The following PLD5 variants were observed in gnomAD, a reference collection of about 807,000 sequenced individuals.
The protein encoded by PLD5 is inactive phospholipase D5.
PLD5 carries 36 observed loss-of-function variants against 61.1 expected under a neutral mutation model. The observed-to-expected ratio is 0.59, with a 90% CI of 0.45 to 0.78. The LOEUF (loss-of-function observed/expected upper bound fraction) is 0.78, where lower values mean the gene tolerates loss of function less well. PLD5 is among the 30% of genes least tolerant of loss of function. The pLI, the probability that PLD5 is intolerant of heterozygous loss-of-function variation, is 0.00. For synonymous variants in PLD5, 243 were observed against 242.8 expected (o/e 1.00, Z -0.01); for missense variants, 515 against 644.4 (o/e 0.80, Z 2.17).
At chr1:242,317,400 A>G (rs1003579111) in intron 2 of PLD5, among the ~76,000 whole-genome samples, 7 of 152,218 alleles carry the variant, frequency 4.6e-5, no homozygotes, top group African/African-American at 1.7e-4. Context: ...ATAATTTTAA[A>G]TTATCTAACA....
intron 8 of PLD5, among the ~76,000 whole-genome samples, chr1:242,102,646 C>A (rs550451769): frequency 1.3e-5 from 2 of 152,242 alleles, no homozygotes; most frequent in South Asian, 4.2e-4. Context: ...AGGCCATGTG[C>A]TTTGTCAGTG....
At position 242,083,195 on chromosome 1, in the gene PLD5, C is replaced by T. The variant is rs964348960; in HGVS notation, c.*6659G>A. 5 of 152,314 alleles carry T rather than the reference C, an allele frequency of 3.3e-5. No individual in the cohort carries two copies. The highest frequency in any genetic ancestry group is 2.1e-4 in the South Asian group (1 of 4,830). 9.4% of individuals were successfully genotyped at this position (152,314 alleles called of 1,614,324 possible). ...GTTCTCAGAGTCACCATTACGGTGA[C>T]TGTGTCTATTCTGGCTGTGCTTCCT... On this transcript the variant is annotated 3_prime_UTR_variant, in exon 10 of 10. Coordinates refer to ENST00000536534, the MANE Select transcript of PLD5 (RefSeq NM_001372062.1).
At chr1:242,486,298 A>T (rs1432696519) in intron 1 of PLD5, among the ~76,000 whole-genome samples, 1 of 152,204 alleles carries the variant, frequency 6.6e-6, no homozygotes, top group East Asian at 1.9e-4. Flanking sequence ...ATGGGAGAAA[A>T]TGTTTGCAAT....
intron 1 of PLD5, among the ~76,000 whole-genome samples, chr1:242,385,423 C>CA (rs1419258036): frequency 1.3e-5 from 2 of 152,134 alleles, no homozygotes; most frequent in Non-Finnish European, 2.9e-5. Context: ...ATGCTAAACT[C>CA]ACAGCTATGG....
chr1:242,384,172 C>T (rs1224078925), intron 1 of PLD5, among the ~76,000 whole-genome samples: 1 of 152,202 alleles, frequency 6.6e-6, no homozygotes, highest in Non-Finnish European at 1.5e-5. Context: ...CCAACCAGTT[C>T]CAATGACTGA....
rs1288478227 is a variant in PLD5, at chr1:242,142,145, C to G, written c.736-17480G>C. 2.0e-5 allele frequency among the ~76,000 whole-genome samples: 3 copies of G among 152,208 alleles called. No individual in the cohort carries two copies. In the East Asian group the frequency reaches 5.8e-4, roughly 29 times the overall value. ...AACAGCAGAAAGGTTTTGGCCTCCT[C>G]TTCATGAAGACTTCATCTCCTCAGA... On this transcript the variant is annotated intron_variant, in intron 5 of 9. Coordinates refer to ENST00000536534, the MANE Select transcript of PLD5 (RefSeq NM_001372062.1).
intron 4 of PLD5, among the ~76,000 whole-genome samples, chr1:242,222,228 C>A (rs1343414523): frequency 6.6e-6 from 1 of 152,168 alleles, no homozygotes; most frequent in African/African-American, 2.4e-5. Flanking sequence ...TCTGTAAAAT[C>A]CCCATTTTCA....
intron 6 of PLD5, among the ~76,000 whole-genome samples, chr1:242,123,780 G>A (rs1662568935): frequency 6.6e-6 from 1 of 152,232 alleles, no homozygotes; most frequent in African/African-American, 2.4e-5. Flanking sequence ...TAGGACTGTA[G>A]GCCCAGATAT....
intron 1 of PLD5, among the ~76,000 whole-genome samples, chr1:242,461,413 G>T (rs982302955): frequency 6.6e-6 from 1 of 152,094 alleles, no homozygotes; most frequent in Non-Finnish European, 1.5e-5. Context: ...TAAGTCACAG[G>T]TCATATGTTC....
At chr1:242,265,531 A>G in intron 3 of PLD5, 83 bp from the exon 4 acceptor site, 1 of 1,159,420 alleles carries the variant, frequency 8.6e-7, no homozygotes, top group Non-Finnish European at 1.2e-6. Flanking sequence ...ACTCATTAAA[A>G]TTAATCTATT....
At chr1:242,456,444 A>T (rs1666946906) in intron 1 of PLD5, among the ~76,000 whole-genome samples, 1 of 152,224 alleles carries the variant, frequency 6.6e-6, no homozygotes, top group African/African-American at 2.4e-5. Flanking sequence ...ATCATTGCAG[A>T]ACTTTCTACT....
At chr1:242,428,436 C>T (rs919375221) in intron 1 of PLD5, among the ~76,000 whole-genome samples, 6 of 152,118 alleles carry the variant, frequency 3.9e-5, no homozygotes, top group African/African-American at 1.4e-4. Context: ...ACAGAGTTAC[C>T]AGTGAACAGT....
At chr1:242,475,399 G>A (rs971060761) in intron 1 of PLD5, among the ~76,000 whole-genome samples, 1 of 140,892 alleles carries the variant, frequency 7.1e-6, no homozygotes, top group Admixed American at 7.1e-5. Flanking sequence ...CTCCAGCCTG[G>A]GCGACAGAGC....
At chr1:242,519,254 C>T (rs776330456) in intron 1 of PLD5, among the ~76,000 whole-genome samples, 15 of 152,148 alleles carry the variant, frequency 9.9e-5, no homozygotes, top group African/African-American at 2.2e-4. Flanking sequence ...GAGCCTAGAC[C>T]GCTGTGACCA....
chr1:242,239,962 G>A (rs923241844), intron 4 of PLD5, among the ~76,000 whole-genome samples: 2 of 152,182 alleles, frequency 1.3e-5, no homozygotes, highest in African/African-American at 4.8e-5. Flanking sequence ...AGCTTCTCCT[G>A]GTGTTTTGTT....
Position 242,265,387 on chromosome 1 carries a change from A to G in PLD5, c.557T>C (p.Val186Ala), listed in dbSNP as rs775543164. The G allele has an allele frequency of 1.9e-6, 3 of 1,612,882 alleles. No homozygotes were observed. The highest frequency in any genetic ancestry group is 2.5e-6 in the Non-Finnish European group (3 of 1,179,574). Residue 186 changes from valine (V) to alanine (A), a missense_variant, in exon 4 of 10, where the codon GTG (valine) becomes GCG (alanine). By Grantham distance (64) the Val-to-Ala change is moderately conservative. Transcript: ENST00000536534. ...CTTTGAATCAGCTGTTACATCACTC[A>G]CTAGCTTGATTTCAATATTTTGCGA... ...LTSQNIEIKL[V>A]SDVTADSKVL...
chr1:242,467,980 A>G (rs1473303925), intron 1 of PLD5, among the ~76,000 whole-genome samples: 1 of 152,168 alleles, frequency 6.6e-6, no homozygotes, highest in Non-Finnish European at 1.5e-5. Flanking sequence ...CAGAATTAAA[A>G]TTGTATTTAT....
intron 9 of PLD5, among the ~76,000 whole-genome samples, chr1:242,095,742 C>T (rs949859842): frequency 2.0e-5 from 3 of 152,140 alleles, no homozygotes; most frequent in African/African-American, 7.2e-5. Context: ...ATTTGAGTCC[C>T]TCAATCCTGT....
chr1:242,448,784 C>T (rs987085281), intron 1 of PLD5, among the ~76,000 whole-genome samples: 12 of 152,084 alleles, frequency 7.9e-5, no homozygotes, highest in African/African-American at 2.9e-4. Context: ...AAAGTCAGAT[C>T]GTTCTTTCTT....
Sources: gnomAD v4.1 joint callset for allele counts (sites outside exome capture counted in the v4.1 genomes callset) on GRCh38, gnomAD v4.1.1 for gene constraint, MANE v1.5 for transcripts, NCBI Gene and HGNC (gene_info 2026-07-23, HGNC 2026-07-21) for gene names.